ADGRD1: variants seen among roughly 807,000 people sequenced by gnomAD.
The protein encoded by ADGRD1 is G-protein coupled receptor 133.
Under a neutral mutation model 113.4 loss-of-function variants are expected in ADGRD1, and 77 were observed. The ratio of observed to expected loss-of-function variants is 0.68; its 90% CI spans 0.57 to 0.82. The LOEUF is 0.82. ADGRD1 is among the 40% of genes least tolerant of loss of function. ADGRD1 has a pLI of 0.00. For missense variants in ADGRD1, 1,036 were observed against 1,139.1 expected (o/e 0.91, Z 1.30); for synonymous variants, 474 against 475.0 (o/e 1.00, Z 0.03).
At chr12:131,108,931 G>A (rs1950293408) in intron 18 of ADGRD1, 54 bp downstream of exon 18, 3 of 1,144,982 alleles carry the variant, frequency 2.6e-6, no homozygotes, top group Non-Finnish European at 3.8e-6. Context: ...GGAAGAGACA[G>A]GTGGGGATGG....
chr12:130,987,077 A>G lies in ADGRD1; in HGVS notation c.491-18A>G, dbSNP rs1205145833. Reference sequence around the variant, plus strand: ...CATTCCCACAGTACTCAGAATGGCGATCTTCACTCTTTTCCAGGCCCCTAT... The same window carrying G: ...CATTCCCACAGTACTCAGAATGGCGGTCTTCACTCTTTTCCAGGCCCCTAT... On this transcript the variant is annotated intron_variant, in intron 5 of 24. Coordinates refer to ENST00000261654, the MANE Select transcript of ADGRD1 (RefSeq NM_198827.5). 1 of 1,612,356 alleles carries G rather than the reference A, an allele frequency of 6.2e-7. No homozygotes were observed. Among genetic ancestry groups the G allele is most frequent in the East Asian group, 2.2e-5 (1 of 44,878 alleles).
intron 5 of ADGRD1, among the ~76,000 whole-genome samples, chr12:130,983,546 A>G (rs1873271714): frequency 6.6e-6 from 1 of 152,188 alleles, no homozygotes; most frequent in Admixed American, 6.5e-5. Flanking sequence ...GAACAAAGGT[A>G]AAGTATGCTC....
In ADGRD1 at chr12:130,954,315, C is replaced by T; in HGVS notation, c.-151C>T. The T allele has an allele frequency of 1.6e-6, 1 of 617,624 alleles. No homozygotes were observed. The highest frequency in any genetic ancestry group is 2.8e-6 in the Non-Finnish European group (1 of 359,152). 38.3% of individuals were successfully genotyped at this position (617,624 alleles called of 1,614,324 possible). On this transcript the variant is annotated 5_prime_UTR_variant, in exon 1 of 25. Transcript: ENST00000261654. The surrounding 1 kb of genome is among the most constrained non-coding windows in gnomAD (Gnocchi z 4.7). ...AACACCCATTAGGTCTCCAAGACAG[C>T]TGTGTTTCACAAACTTTAAGGAGAC...
At position 131,096,752 on chromosome 12, in the gene ADGRD1, G is replaced by A. The variant is rs951959467; in HGVS notation, c.1672-8079G>A. Among the ~76,000 whole-genome samples, 2 of 152,138 alleles carry A rather than the reference G, an allele frequency of 1.3e-5. No individual in the cohort carries two copies. The highest frequency in any genetic ancestry group is 2.9e-5 in the Non-Finnish European group (2 of 68,030). ...GGCACTGCCAGTCCAGGTTTACATC[G>A]CCACAACTGTTTAAAGCAGCCATCG... is the stretch of plus-strand genomic sequence containing the variant. On this transcript the variant is annotated intron_variant, in intron 15 of 24. Transcript: ENST00000261654. This position sits in a 1 kb window ranked among gnomAD's most constrained non-coding sequence, Gnocchi z 5.2.
At chr12:130,959,881 G>A (rs1302292055) in intron 2 of ADGRD1, among the ~76,000 whole-genome samples, 1 of 152,216 alleles carries the variant, frequency 6.6e-6, no homozygotes, top group Non-Finnish European at 1.5e-5. Flanking sequence ...ATTATAGAAT[G>A]TCGTAGTTGA....
chr12:131,014,152 G>C, intron 12 of ADGRD1, 47 bp from the exon 13 acceptor site: 1 of 1,591,110 alleles, frequency 6.3e-7, no homozygotes, highest in Non-Finnish European at 8.6e-7. Context: ...GCTGTGTGCT[G>C]CTCCCCTGCG....
intron 13 of ADGRD1, among the ~76,000 whole-genome samples, chr12:131,067,374 G>T (rs1217585035): frequency 6.6e-6 from 1 of 152,218 alleles, no homozygotes; most frequent in Non-Finnish European, 1.5e-5. Context: ...GAAAGAACTG[G>T]AGAAAGAATA....
At chr12:131,071,606 T>C (rs894664411) in intron 13 of ADGRD1, among the ~76,000 whole-genome samples, 20 of 152,190 alleles carry the variant, frequency 1.3e-4, no homozygotes, top group Admixed American at 7.9e-4. Context: ...ACACATACCA[T>C]GGCCACAGTG....
chr12:131,033,542 C>T (rs558961057), intron 13 of ADGRD1, among the ~76,000 whole-genome samples: 6 of 152,330 alleles, frequency 3.9e-5, no homozygotes, highest in African/African-American at 1.2e-4. Flanking sequence ...GGCTGGGTTG[C>T]GCAGGTGTGC....
intron 13 of ADGRD1, among the ~76,000 whole-genome samples, chr12:131,044,372 C>T (rs1053295598): frequency 6.6e-6 from 1 of 152,152 alleles, no homozygotes; most frequent in African/African-American, 2.4e-5. Context: ...TCCCAGGAAC[C>T]CGTCCACCCA....
At chr12:131,037,130 T>A (rs867031666) in intron 13 of ADGRD1, among the ~76,000 whole-genome samples, 41 of 132,344 alleles carry the variant, frequency 3.1e-4, no homozygotes, top group African/African-American at 1.2e-3. Flanking sequence ...CCTCACTCAC[T>A]GCACCGGGCC....
At chr12:131,070,467 C>T (rs1457216214) in intron 13 of ADGRD1, 1 of 168,380 alleles carries the variant, frequency 5.9e-6, no homozygotes. Flanking sequence ...AGGAGGAAAA[C>T]GAGGCGCCGG....
intron 15 of ADGRD1, among the ~76,000 whole-genome samples, chr12:131,101,377 CTTTTTTTTTTTTTTT>C (rs71095334): frequency 2.8e-5 from 1 of 36,132 alleles, no homozygotes; most frequent in African/African-American, 9.2e-5. Context: ...TTCTTTCTTT[CTTTTTTTTTTTTTTT>C]TTTTTTTTTT....
At chr12:130,987,487 A>G (rs1873847144) in intron 6 of ADGRD1, 138 bp downstream of exon 6, 1 of 886,950 alleles carries the variant, frequency 1.1e-6, no homozygotes, top group East Asian at 2.6e-5. Context: ...AACCTTATAA[A>G]CACAGTTGTG....
rs554085364 is a variant in ADGRD1 at position 131,022,152 on chromosome 12, T to C, written c.1473+7812T>C. Among the ~76,000 whole-genome samples, 1 of 152,276 alleles carries C rather than the reference T, an allele frequency of 6.6e-6. No individual in the cohort carries two copies. The highest frequency in any genetic ancestry group is 2.1e-4 in the South Asian group (1 of 4,820). On this transcript the variant is annotated intron_variant, in intron 13 of 24. Transcript: ENST00000261654. The surrounding 1 kb of genome is among the most constrained non-coding windows in gnomAD (Gnocchi z 4.6). ...GGGTTAGGGCTTCAACAGGTGACTT[T>C]AGTGGGGAGCAATTCGGCTCCAGCA... is the stretch of plus-strand genomic sequence containing the variant.
In ADGRD1 at chr12:130,954,728, G is replaced by C; in HGVS notation, c.103+68G>C. 1 of 1,463,250 alleles carries C rather than the reference G, an allele frequency of 6.8e-7. No homozygotes were observed. The highest frequency in any genetic ancestry group is 9.6e-7 in the Non-Finnish European group (1 of 1,044,432). 90.6% of individuals were successfully genotyped at this position (1,463,250 alleles called of 1,614,324 possible). ...GCCTAGTGCAGGTATCTCAGGAACA[G>C]CCCACTTGTTCATCTCTGAGGCATC... On this transcript the variant is annotated intron_variant, in intron 2 of 24. Coordinates refer to ENST00000261654, the MANE Select transcript of ADGRD1 (RefSeq NM_198827.5). The surrounding 1 kb of genome is among the most constrained non-coding windows in gnomAD (Gnocchi z 4.7).
At chr12:130,987,803 T>C (rs755513924) in intron 6 of ADGRD1, 48 of 192,008 alleles carry the variant, frequency 2.5e-4, no homozygotes, top group Non-Finnish European at 4.5e-4. Flanking sequence ...CATTGTGCCA[T>C]AATGAGCCGT....
At chr12:131,009,944 C>G (rs1442398667) in intron 12 of ADGRD1, among the ~76,000 whole-genome samples, 1 of 152,202 alleles carries the variant, frequency 6.6e-6, no homozygotes, top group East Asian at 1.9e-4. Context: ...GCTGGTTTGA[C>G]TTTTAACAGT....
chr12:131,089,970 A>T (rs927741959), intron 15 of ADGRD1, among the ~76,000 whole-genome samples: 1 of 152,142 alleles, frequency 6.6e-6, no homozygotes, highest in African/African-American at 2.4e-5. Flanking sequence ...ATGGCCAGAG[A>T]GAGGGGGAGT....
Sources: allele counts gnomAD v4.1 joint callset (sites outside exome capture counted in the v4.1 genomes callset), GRCh38; gene constraint gnomAD v4.1.1; non-coding constraint Gnocchi (gnomAD v3.1); transcripts MANE v1.5; gene names NCBI Gene and HGNC (gene_info 2026-07-23, HGNC 2026-07-21).